ARAP2: variants seen among roughly 807,000 people sequenced by gnomAD.
ARAP2 encodes the protein ArfGAP with RhoGAP domain, ankyrin repeat and PH domain 2.
ARAP2 carries 148 observed loss-of-function variants against 194.5 expected under a neutral mutation model. That is an observed-to-expected ratio of 0.76 (90% CI 0.67 to 0.87). ARAP2 has a LOEUF of 0.87. ARAP2 is among the 40% of genes least tolerant of loss of function. The pLI is 0.00. For missense variants in ARAP2, 2,128 were observed against 1,989.7 expected, an observed-to-expected ratio of 1.07 and a Z score of -1.32; for synonymous variants, 695 against 683.5, an observed-to-expected ratio of 1.02 and a Z score of -0.26.
At chr4:36,011,631 A>G (rs4527501) in intron 9 of ARAP2, among the ~76,000 whole-genome samples, 42,254 of 152,048 alleles carry the variant, frequency 0.28, 6,893 homozygotes, top group East Asian at 0.44. Flanking sequence ...CAATGGCTTG[A>G]GAAGAACACA....
At chr4:36,019,159 G>A (rs1716438712) in exon 6 of ARAP2, 1 of 149,390 alleles carries the variant, frequency 6.7e-6, no homozygotes, top group African/African-American at 2.6e-5. Context: ...TCATAATACT[G>A]TTCACTTGTT....
At chr4:36,188,998 C>T (rs941840166) in intron 7 of ARAP2, among the ~76,000 whole-genome samples, 2 of 152,162 alleles carry the variant, frequency 1.3e-5, no homozygotes, top group African/African-American at 4.8e-5. Flanking sequence ...CCATCCCTGA[C>T]TTTATTTATC....
At chr4:36,166,271 A>T (rs1465383824) in intron 10 of ARAP2, among the ~76,000 whole-genome samples, 1 of 152,064 alleles carries the variant, frequency 6.6e-6, no homozygotes, top group African/African-American at 2.4e-5. Context: ...TAACAAACGA[A>T]TTAATACAGT....
chr4:36,129,240 T>C (rs77074213), intron 20 of ARAP2, among the ~76,000 whole-genome samples: 18 of 152,056 alleles, frequency 1.2e-4, no homozygotes, highest in African/African-American at 3.9e-4. Flanking sequence ...CCATACCAAA[T>C]AAAAGGAGCA....
chr4:36,006,962 A>T (rs1713409074), exon 10 of ARAP2: 1 of 152,042 alleles, frequency 6.6e-6, no homozygotes, highest in African/African-American at 2.4e-5. Flanking sequence ...GTGGATGAGT[A>T]GCTTGAGTCT....
In ARAP2 at chr4:36,091,899, A is replaced by G. The variant is rs371071720; in HGVS notation, c.4407T>C (p.Phe1469=). 16 of 1,604,744 alleles carry G rather than the reference A, an allele frequency of 1.0e-5. No homozygotes were observed. The highest frequency in any genetic ancestry group is 1.3e-5 in the Non-Finnish European group (15 of 1,173,118). ...ACTATACCTTCACATCCTTGTAAAG[A>G]AAGAGAAACCCATCTCGTAAAACAA... ...RYFVLRDGFL[F]LYKDVKSSKH... The change falls in exon 28 of 33, where the codon TTT becomes TTC. Residue 1469 remains phenylalanine (F), a synonymous_variant. Transcript: ENST00000303965.
intron 9 of ARAP2, among the ~76,000 whole-genome samples, chr4:36,168,820 A>G (rs983185137): frequency 6.6e-6 from 1 of 152,218 alleles, no homozygotes; most frequent in Non-Finnish European, 1.5e-5. Flanking sequence ...TGGGAGTGCC[A>G]TACTTCCACT....
intron 27 of ARAP2, among the ~76,000 whole-genome samples, chr4:36,107,352 C>T (rs1718673571): frequency 6.6e-6 from 1 of 151,966 alleles, no homozygotes; most frequent in Non-Finnish European, 1.5e-5. Flanking sequence ...GAACTTGGTA[C>T]AATCAAATTA....
At chr4:36,173,727 A>C (rs1002603397) in intron 9 of ARAP2, among the ~76,000 whole-genome samples, 36 of 152,272 alleles carry the variant, frequency 2.4e-4, no homozygotes, top group African/African-American at 8.4e-4. Flanking sequence ...AACAGCTATA[A>C]ATGATCATTA....
chr4:36,186,341 A>G (rs948895425), intron 8 of ARAP2, among the ~76,000 whole-genome samples: 2 of 152,224 alleles, frequency 1.3e-5, no homozygotes, highest in African/African-American at 4.8e-5. Context: ...CAAAATTCAG[A>G]AAATATTTCT....
At chr4:36,061,103 G>A (rs1724358943), downstream of ARAP2, among the ~76,000 whole-genome samples, 1 of 152,142 alleles carries the variant, frequency 6.6e-6, no homozygotes, top group Non-Finnish European at 1.5e-5. Flanking sequence ...CATAGTAGGT[G>A]TATACACTTA....
intron 20 of ARAP2, among the ~76,000 whole-genome samples, chr4:36,131,558 G>T (rs551732943): frequency 6.6e-6 from 1 of 151,584 alleles, no homozygotes; most frequent in African/African-American, 2.4e-5. Flanking sequence ...GTATAAAGTT[G>T]TTATAATATA....
At chr4:36,209,268 C>G (rs1042469641) in intron 6 of ARAP2, 1 of 351,318 alleles carries the variant, frequency 2.8e-6, no homozygotes, top group Non-Finnish European at 5.6e-6. Context: ...TCCACATGTT[C>G]GACATCTGAA....
chr4:36,013,667 T>G (rs574487870), intron 8 of ARAP2, among the ~76,000 whole-genome samples: 154 of 152,264 alleles, frequency 1.0e-3, no homozygotes, highest in African/African-American at 3.6e-3. Flanking sequence ...TGACCTCATA[T>G]GAAGGAGAGT....
chr4:36,107,420 T>A, intron 27 of ARAP2, 145 bp downstream of exon 27: 1 of 740,914 alleles, frequency 1.3e-6, no homozygotes, highest in Non-Finnish European at 2.0e-6. Flanking sequence ...CATATATTCT[T>A]CTTTCTTATA....
At chr4:36,038,377 C>A (rs1720292936) in intron 5 of ARAP2, among the ~76,000 whole-genome samples, 1 of 152,124 alleles carries the variant, frequency 6.6e-6, no homozygotes, top group South Asian at 2.1e-4. Flanking sequence ...TCATGTGTTT[C>A]ATAAATATCC....
At chr4:36,160,671 A>T in intron 12 of ARAP2, 30 bp from the exon 13 acceptor site, 1 of 1,376,300 alleles carries the variant, frequency 7.3e-7, no homozygotes, top group Non-Finnish European at 9.5e-7. Context: ...ACCCCATAAT[A>T]TATCAGTTCA....
chr4:36,006,925 G>C (rs1389926698), exon 10 of ARAP2: 1 of 152,086 alleles, frequency 6.6e-6, no homozygotes, highest in Non-Finnish European at 1.5e-5. Flanking sequence ...GTGTGAGCCT[G>C]TAGTCCCAGC....
At chr4:36,033,957 C>G (rs1719456048) in intron 5 of ARAP2, among the ~76,000 whole-genome samples, 2 of 151,942 alleles carry the variant, frequency 1.3e-5, no homozygotes, top group African/African-American at 4.8e-5. Context: ...CAGATGGTTG[C>G]AGGTGTTCAG....
Sources: allele counts gnomAD v4.1 joint callset (sites outside exome capture counted in the v4.1 genomes callset), GRCh38; gene constraint gnomAD v4.1.1; transcripts MANE v1.5; gene names NCBI Gene and HGNC (gene_info 2026-07-23, HGNC 2026-07-21).